PSD2: variants seen among roughly 807,000 people sequenced by gnomAD.
The protein encoded by PSD2 is pleckstrin and Sec7 domain containing 2, also known as PH and SEC7 domain-containing protein 2.
In PSD2, 38 loss-of-function variants were observed where a neutral mutation model predicts 69.8. That is an observed-to-expected ratio of 0.54 (90% CI 0.42 to 0.71). The LOEUF is 0.71. PSD2 is among the 30% of genes least tolerant of loss of function. The probability of loss-of-function intolerance (pLI) is 0.00; values close to 1 mark genes in which losing one functional copy is unlikely to be tolerated. For synonymous variants in PSD2, 412 were observed against 423.0 expected (o/e 0.97, Z 0.32); for missense variants, 943 against 1,014.5 (o/e 0.93, Z 0.96).
chr5:139,838,259 A>T (rs1394839252), intron 12 of PSD2, among the ~76,000 whole-genome samples: 2 of 152,170 alleles, frequency 1.3e-5, no homozygotes, highest in Admixed American at 6.5e-5. Context: ...TCACAGTGCC[A>T]GTGCTGGGCA....
upstream of PSD2, among the ~76,000 whole-genome samples, chr5:139,793,496 C>T (rs1373577511): frequency 6.6e-6 from 1 of 152,194 alleles, no homozygotes; most frequent in Non-Finnish European, 1.5e-5. Flanking sequence ...GGTCTCCTTG[C>T]CCCTGCCACA....
Position 139,837,014 on chromosome 5 carries a change from C to A in PSD2, c.1594+13C>A. On this transcript the variant is annotated intron_variant, in intron 10 of 14. Coordinates refer to ENST00000274710, the MANE Select transcript of PSD2 (RefSeq NM_032289.4). The surrounding 1 kb of genome is among the most constrained non-coding windows in gnomAD (Gnocchi z 5.0). ...GATGGCAAGAGGAGTGGGTGTCAGGCTGGGAGAGGGGCATGGGAGGGAGGC... is the reference window on the plus strand; with the variant it reads ...GATGGCAAGAGGAGTGGGTGTCAGGATGGGAGAGGGGCATGGGAGGGAGGC... The A allele has an allele frequency of 6.2e-7, 1 of 1,608,000 alleles. No individual in the cohort carries two copies.
At chr5:139,750,457 T>A in the PSD2 span, among the ~76,000 whole-genome samples, 1 of 152,186 alleles carries the variant, frequency 6.6e-6, no homozygotes, top group African/African-American at 2.4e-5. Flanking sequence ...AGGGCTGCCC[T>A]CCATGCATTG....
chr5:139,783,943 C>CTTTTTTTTTTTTTTTT, the PSD2 span, among the ~76,000 whole-genome samples: 18 of 87,880 alleles, frequency 2.0e-4, no homozygotes, highest in East Asian at 4.5e-4. Flanking sequence ...TCTGCTAGCT[C>CTTTTTTTTTTTTTTTT]TTTTTTTTTT....
chr5:139,830,608 CTCTT>C (rs1218426215), intron 7 of PSD2, among the ~76,000 whole-genome samples: 51 of 101,968 alleles, frequency 5.0e-4, no homozygotes, highest in South Asian at 1.0e-3. Flanking sequence ...TTCTTTCTTT[CTCTT>C]TCTTTCTTTC....
chr5:139,836,799 G>A lies in PSD2; in HGVS notation c.1404-12G>A. On this transcript the variant is annotated splice_polypyrimidine_tract_variant and intron_variant, in intron 9 of 14. Transcript: ENST00000274710. ...TCCCTGGAGGTGGTGCTCAGGCCTA[G>A]TACTTCCCTAGTGATGAGGATGAGC... 6.2e-7 allele frequency: 1 copy of A among 1,612,950 alleles called. No individual in the cohort carries two copies. Among genetic ancestry groups the A allele is most frequent in the South Asian group, 1.1e-5 (1 of 90,968 alleles).
chr5:139,797,736 T>A (rs1759566540), intron 1 of PSD2, among the ~76,000 whole-genome samples: 1 of 152,168 alleles, frequency 6.6e-6, no homozygotes, highest in African/African-American at 2.4e-5. Context: ...GCACTACCCT[T>A]ATTCCCATTT....
intron 2 of PSD2, among the ~76,000 whole-genome samples, chr5:139,811,022 C>G (rs980482606): frequency 6.6e-6 from 1 of 152,144 alleles, no homozygotes; most frequent in Non-Finnish European, 1.5e-5. Context: ...AAGCAGGGCT[C>G]TGTCTTGTTT....
At chr5:139,743,372 T>C in the PSD2 span, among the ~76,000 whole-genome samples, 1 of 151,864 alleles carries the variant, frequency 6.6e-6, no homozygotes, top group Non-Finnish European at 1.5e-5. Context: ...ACCTGGGAGG[T>C]TGGAAGCTGG....
At chr5:139,773,814 A>G in the PSD2 span, among the ~76,000 whole-genome samples, 11 of 152,138 alleles carry the variant, frequency 7.2e-5, no homozygotes, top group African/African-American at 2.4e-5. Context: ...TCTTGTTTCA[A>G]TGCTTTTGGG....
chr5:139,838,509 C>G, intron 12 of PSD2, 119 bp from the exon 13 acceptor site: 3 of 1,097,908 alleles, frequency 2.7e-6, no homozygotes, highest in Non-Finnish European at 4.0e-6. Context: ...CCTTTATCCA[C>G]CCATCTAGAG....
intron 7 of PSD2, among the ~76,000 whole-genome samples, chr5:139,829,929 G>A (rs1760530242): frequency 6.6e-6 from 1 of 150,952 alleles, no homozygotes; most frequent in African/African-American, 2.4e-5. Context: ...CATAGTGGCT[G>A]AACCATTTTA....
chr5:139,827,739 G>A (rs1760463676), intron 7 of PSD2, among the ~76,000 whole-genome samples: 1 of 152,222 alleles, frequency 6.6e-6, no homozygotes, highest in African/African-American at 2.4e-5. Flanking sequence ...GCAGGAGAGA[G>A]AAGAATGTAG....
chr5:139,805,599 C>A (rs1380165813), intron 1 of PSD2, among the ~76,000 whole-genome samples: 1 of 152,174 alleles, frequency 6.6e-6, no homozygotes, highest in Non-Finnish European at 1.5e-5. Flanking sequence ...CTCCATCACT[C>A]CATGATGCAG....
At chr5:139,813,795 G>A in intron 3 of PSD2, 37 bp downstream of exon 3, 1 of 1,542,544 alleles carries the variant, frequency 6.5e-7, no homozygotes, top group Non-Finnish European at 8.8e-7. Context: ...CCACCGAGCA[G>A]ATGGGGAAAC....
chr5:139,778,002 C>T, the PSD2 span, among the ~76,000 whole-genome samples: 1 of 152,244 alleles, frequency 6.6e-6, no homozygotes, highest in East Asian at 1.9e-4. Flanking sequence ...AGCCTGGGAA[C>T]AAGGCAAACC....
chr5:139,787,584 A>G, the PSD2 span, among the ~76,000 whole-genome samples: 3 of 152,230 alleles, frequency 2.0e-5, no homozygotes, highest in East Asian at 1.9e-4. Flanking sequence ...TCTCCCAGCT[A>G]AGGAGTCCGC....
At chr5:139,829,571 T>C (rs1369970011) in intron 7 of PSD2, among the ~76,000 whole-genome samples, 5 of 152,228 alleles carry the variant, frequency 3.3e-5, no homozygotes, top group Admixed American at 6.5e-5. Context: ...AGATATTTCA[T>C]GTGAGTGGGA....
intron 1 of PSD2, among the ~76,000 whole-genome samples, chr5:139,803,353 G>A (rs1263149432): frequency 6.6e-6 from 1 of 152,246 alleles, no homozygotes; most frequent in Non-Finnish European, 1.5e-5. Context: ...GGCCTGTGCT[G>A]TGTGCTGCTG....
Sources: gnomAD v4.1 joint callset for allele counts (sites outside exome capture counted in the v4.1 genomes callset) on GRCh38, gnomAD v4.1.1 for gene constraint, Gnocchi (gnomAD v3.1) non-coding constraint, MANE v1.5 for transcripts, NCBI Gene and HGNC (gene_info 2026-07-23, HGNC 2026-07-21) for gene names.